SUPT20H: variants seen among roughly 807,000 people sequenced by gnomAD.
SUPT20H encodes SPT20 homolog, SAGA complex component.
SUPT20H carries 82 observed loss-of-function variants against 122.8 expected under a neutral mutation model. That is an observed-to-expected ratio of 0.67 (90% CI 0.56 to 0.80). The LOEUF (loss-of-function observed/expected upper bound fraction) is 0.80. SUPT20H is among the 30% of genes least tolerant of loss of function. The pLI, the probability that SUPT20H is intolerant of heterozygous loss-of-function variation, is 0.00. For missense variants in SUPT20H, 831 were observed against 921.6 expected (o/e 0.90, Z 1.27); for synonymous variants, 291 against 313.0 (o/e 0.93, Z 0.74).
intron 2 of SUPT20H, among the ~76,000 whole-genome samples, chr13:37,050,347 CAAAA>C (rs61668901): frequency 1.3e-5 from 1 of 76,996 alleles, no homozygotes; most frequent in Non-Finnish European, 2.4e-5. Flanking sequence ...CTGTCACTAC[CAAAA>C]AAAAAAAAAA....
rs540371371 is a variant in SUPT20H, at chr13:37,030,298, C to T, written c.922-462G>A. On this transcript the variant is annotated intron_variant, in intron 12 of 25. Transcript: ENST00000350612. ...ATTAAAGCTGATCAAATTTTTTGAACGTTTTCCACTTTCTAGTCAGACTTG... is the reference window on the plus strand; with the variant it reads ...ATTAAAGCTGATCAAATTTTTTGAATGTTTTCCACTTTCTAGTCAGACTTG... 1.4e-3 allele frequency among the ~76,000 whole-genome samples: 216 copies of T among 152,218 alleles called. 1 individual carries two copies. Among genetic ancestry groups the T allele is most frequent in the Non-Finnish European group, 2.5e-3 (171 of 68,012 alleles).
chr13:37,031,943 CATAAT>C (rs2063409027), intron 10 of SUPT20H, 48 bp from the exon 11 acceptor site: 2 of 1,511,588 alleles, frequency 1.3e-6, no homozygotes, highest in Admixed American at 2.3e-5. Flanking sequence ...AAAAGAAACT[CATAAT>C]ATATGTGAGT....
intron 9 of SUPT20H, among the ~76,000 whole-genome samples, chr13:37,037,147 A>G (rs2064601239): frequency 6.6e-6 from 1 of 150,382 alleles, no homozygotes; most frequent in East Asian, 2.0e-4. Flanking sequence ...CAGTGAGCTG[A>G]GATTGTGCCA....
At chr13:37,012,418 A>C (rs2139043166) in intron 23 of SUPT20H, 121 bp from the exon 24 acceptor site, 1 of 628,840 alleles carries the variant, frequency 1.6e-6, no homozygotes, top group African/African-American at 1.8e-5. Context: ...TTGTAAAAAG[A>C]ATAACAAGGA....
chr13:37,017,092 G>A (rs887867264), intron 23 of SUPT20H, among the ~76,000 whole-genome samples, 153 bp downstream of exon 23: 1 of 152,080 alleles, frequency 6.6e-6, no homozygotes, highest in African/African-American at 2.4e-5. Flanking sequence ...TGTTTTATTA[G>A]GAATACACAC....
chr13:37,025,361 A>G lies in SUPT20H; in HGVS notation c.1288T>C (p.Ser430Pro). 1 of 1,614,034 alleles carries G rather than the reference A, an allele frequency of 6.2e-7. No homozygotes were observed. The change falls in exon 17 of 26, where the codon TCA becomes CCA. Residue 430 changes from serine to proline, a missense_variant. Coordinates refer to ENST00000350612, the MANE Select transcript of SUPT20H (RefSeq NM_001014286.3). Reference protein sequence around the residue: ...PVKMSHSSSGSASLSQVSPGK... With the variant: ...PVKMSHSSSGPASLSQVSPGK... The stretch of plus-strand genomic sequence containing the variant: ...GGAGAAACCTGACTCAGACTGGCTG[A>G]GCCACTGGAGCTGTGTGACATCTTG...
chr13:37,012,145 T>C, intron 24 of SUPT20H, 47 bp downstream of exon 24: 1 of 1,421,786 alleles, frequency 7.0e-7, no homozygotes, highest in Admixed American at 1.7e-5. Context: ...CCAAATAGAT[T>C]AGATATGTTT....
chr13:37,028,455 T>C, intron 13 of SUPT20H, 150 bp from the exon 14 acceptor site: 1 of 752,484 alleles, frequency 1.3e-6, no homozygotes, highest in Non-Finnish European at 2.1e-6. Context: ...TAAGTCTGCC[T>C]ATGAGAATAA....
Position 37,012,254 on chromosome 13 carries a change from G to A in SUPT20H, c.2036C>T (p.Ala679Val). The change falls in exon 24 of 26, where the codon GCT becomes GTT. Residue 679 changes from alanine to valine, a missense_variant. Ala to Val is a moderately conservative substitution (Grantham distance 64). Transcript: ENST00000350612. Reference sequence around the variant, plus strand: ...AAGGTTAATAACAGCAGCTTGCTGAGCAGATAAGGCCTGTTCTTGACTGGT... The same window carrying A: ...AAGGTTAATAACAGCAGCTTGCTGAACAGATAAGGCCTGTTCTTGACTGGT... The part of the protein sequence containing the change: ...GSTSQEQALS[A>V]QQAAVINLTG... 1 of 1,613,508 alleles carries A rather than the reference G, an allele frequency of 6.2e-7. No homozygotes were observed. Among genetic ancestry groups the A allele is most frequent in the Non-Finnish European group, 8.5e-7 (1 of 1,179,568 alleles).
intron 10 of SUPT20H, 53 bp downstream of exon 10, chr13:37,033,396 A>G: frequency 6.3e-7 from 1 of 1,585,412 alleles, no homozygotes; most frequent in Non-Finnish European, 8.6e-7. Context: ...TATAAATAGC[A>G]AAATTTATAG....
intron 1 of SUPT20H, among the ~76,000 whole-genome samples, chr13:37,058,161 G>A (rs976970455): frequency 6.6e-6 from 1 of 151,936 alleles, no homozygotes; most frequent in African/African-American, 2.4e-5. Flanking sequence ...AGCTACTCCG[G>A]AGGCTGAGGC....
intron 2 of SUPT20H, among the ~76,000 whole-genome samples, chr13:37,049,510 C>A (rs1345300487): frequency 6.6e-6 from 1 of 152,018 alleles, no homozygotes; most frequent in Non-Finnish European, 1.5e-5. Context: ...GAGGCTGAGG[C>A]GGGAGGATCA....
chr13:37,024,467 A>G, intron 17 of SUPT20H, 25 bp from the exon 18 acceptor site: 4 of 1,465,034 alleles, frequency 2.7e-6, no homozygotes, highest in Non-Finnish European at 3.6e-6. Context: ...CATTAAGCTT[A>G]CTTGTTAAAA....
Position 37,009,773 on chromosome 13 carries a change from C to A in SUPT20H, c.2239G>T (p.Ala747Ser). ...AGCTGAGCTGTTTGTGCTGCTGCTG[C>A]TGCCATAGCCATTTGATGCTGCAAG... ...RFLQHQMAMAAAAAQTAQLHH... is the reference protein window; with the variant it reads ...RFLQHQMAMASAAAQTAQLHH... Residue 747 changes from alanine to serine, a missense_variant, in exon 26 of 26, where the codon GCA (alanine) becomes TCA (serine). Ala to Ser is a moderately conservative substitution (Grantham distance 99). Coordinates refer to ENST00000350612, the MANE Select transcript of SUPT20H (RefSeq NM_001014286.3). The A allele has an allele frequency of 6.2e-7, 1 of 1,612,800 alleles. No homozygotes were observed. The highest frequency in any genetic ancestry group is 8.5e-7 in the Non-Finnish European group (1 of 1,179,714).
chr13:37,055,019 T>C (rs1286884417), intron 1 of SUPT20H, among the ~76,000 whole-genome samples: 1 of 152,160 alleles, frequency 6.6e-6, no homozygotes, highest in African/African-American at 2.4e-5. Flanking sequence ...CATTCACAAT[T>C]GCTTCAAAGA....
intron 23 of SUPT20H, among the ~76,000 whole-genome samples, chr13:37,016,894 T>C (rs1455043921): frequency 6.6e-6 from 1 of 152,146 alleles, no homozygotes; most frequent in African/African-American, 2.4e-5. Context: ...TTTATTCCAA[T>C]AGCAACAAAA....
Position 37,017,349 on chromosome 13 carries a change from G to A in SUPT20H, c.1888C>T (p.Leu630Phe), listed in dbSNP as rs990565608. 6 of 1,613,494 alleles carry A rather than the reference G, an allele frequency of 3.7e-6. No homozygotes were observed. The Admixed American group carries it at 8.3e-5, about 22-fold the overall frequency. The change falls in exon 23 of 26, where the codon CTT becomes TTT. Residue 630 changes from leucine to phenylalanine, a missense_variant. Leu to Phe is a conservative substitution (Grantham distance 22). Coordinates refer to ENST00000350612, the MANE Select transcript of SUPT20H (RefSeq NM_001014286.3). ...LNLLQLPGGSLIFNTLQQQQQ... is the reference protein window; with the variant it reads ...LNLLQLPGGSFIFNTLQQQQQ... The stretch of plus-strand genomic sequence containing the variant: ...TGCTGCTGCAGAGTGTTAAAAATAA[G>A]TGAACCACCTGGAAGCTATTAAGAA...
intron 7 of SUPT20H, among the ~76,000 whole-genome samples, chr13:37,042,401 T>G (rs2065645356): frequency 6.6e-6 from 1 of 152,068 alleles, no homozygotes; most frequent in Non-Finnish European, 1.5e-5. Flanking sequence ...CCCATGAAAC[T>G]GGCTGAAATC....
intron 24 of SUPT20H, 182 bp from the exon 25 acceptor site, chr13:37,010,837 C>T: frequency 2.0e-6 from 1 of 503,868 alleles, no homozygotes; most frequent in Non-Finnish European, 3.6e-6. Context: ...GGGGGTACCA[C>T]TGATAATGGA....
Sources: gnomAD v4.1 joint callset for allele counts (sites outside exome capture counted in the v4.1 genomes callset) on GRCh38, gnomAD v4.1.1 for gene constraint, MANE v1.5 for transcripts, NCBI Gene and HGNC (gene_info 2026-07-23, HGNC 2026-07-21) for gene names.